CUL2: variants seen among roughly 807,000 people sequenced by gnomAD.
CUL2 encodes the protein cullin-2.
A neutral mutation model predicts 110.2 loss-of-function variants in CUL2; 22 were observed. The ratio of observed to expected loss-of-function variants is 0.20; its 90% confidence interval spans 0.14 to 0.28. CUL2 has a LOEUF of 0.28. CUL2 is among the 10% of genes least tolerant of loss of function. CUL2 has a pLI of 1.00. For synonymous variants in CUL2, 279 were observed against 293.2 expected, an observed-to-expected ratio of 0.95 and a Z score of 0.49; for missense variants, 631 against 905.5, an observed-to-expected ratio of 0.70 and a Z score of 3.89.
intron 6 of CUL2, among the ~76,000 whole-genome samples, chr10:35,046,960 G>A (rs2085959483): frequency 6.6e-6 from 1 of 152,020 alleles, no homozygotes; most frequent in African/African-American, 2.4e-5. Context: ...AAAAAGGAAA[G>A]AAACAAACAG....
chr10:35,124,539 A>T (rs1285560857), intron 1 of CUL2, among the ~76,000 whole-genome samples: 1 of 152,202 alleles, frequency 6.6e-6, no homozygotes, highest in African/African-American at 2.4e-5. Context: ...TCTCTTGAGA[A>T]ATCTGAAGGT....
chr10:35,063,784 T>C (rs1268929666), intron 2 of CUL2: 4 of 151,752 alleles, frequency 2.6e-5, no homozygotes, highest in African/African-American at 7.3e-5. Flanking sequence ...CTTTGCTTTA[T>C]TGGATCTTCT....
Position 35,031,409 on chromosome 10 carries a change from A to G in CUL2, c.1300-23T>C. ...GAACTACATTTAAAAATATTTTAAAAGATTACTTCCTTTCTAATGATTTAG... is the reference window on the plus strand; with the variant it reads ...GAACTACATTTAAAAATATTTTAAAGGATTACTTCCTTTCTAATGATTTAG... On this transcript the variant is annotated intron_variant, in intron 13 of 20. Coordinates refer to ENST00000374749, the MANE Select transcript of CUL2 (RefSeq NM_003591.4). The surrounding 1 kb of genome is among the most constrained non-coding windows in gnomAD (Gnocchi z 4.4). 3.8e-6 allele frequency: 6 copies of G among 1,594,008 alleles called. No individual in the cohort carries two copies. Among genetic ancestry groups the G allele is most frequent in the Non-Finnish European group, 5.1e-6 (6 of 1,169,462 alleles).
intron 2 of CUL2, chr10:35,063,749 C>CTTTT (rs80019110): frequency 7.5e-6 from 1 of 133,394 alleles, no homozygotes; most frequent in Non-Finnish European, 1.6e-5. Flanking sequence ...GTGGCATTTC[C>CTTTT]TTTTTTTTTT....
rs2085591008 is a variant in CUL2 at position 35,035,246 on chromosome 10, G to A, written c.928C>T (p.His310Tyr). Residue 310 changes from histidine to tyrosine, a missense_variant, in exon 10 of 21, where the codon CAT becomes TAT. By Grantham distance (83) the His-to-Tyr change is moderately conservative. This residue lies in a region of CUL2 where 338 missense variants were observed against 442.5 expected (regional missense o/e 0.76). Coordinates refer to ENST00000374749, the MANE Select transcript of CUL2 (RefSeq NM_003591.4). The part of the protein sequence containing the change: ...LLRAVSTGLP[H>Y]MIQELQNHIH... ...TGGTTTTGCAGCTCCTGAATCATATGAGGTAAACCAGTGGACACAGCACGG... is the reference window on the plus strand; with the variant it reads ...TGGTTTTGCAGCTCCTGAATCATATAAGGTAAACCAGTGGACACAGCACGG... 1.2e-6 allele frequency: 2 copies of A among 1,614,022 alleles called. No homozygotes were observed. The highest frequency in any genetic ancestry group is 1.6e-4 in the Middle Eastern group (1 of 6,084).
intron 1 of CUL2, among the ~76,000 whole-genome samples, chr10:35,103,564 C>T (rs1392958855): frequency 6.6e-6 from 1 of 151,906 alleles, no homozygotes; most frequent in African/African-American, 2.4e-5. Flanking sequence ...ACCTCGTGAT[C>T]CGCCCGTCTC....
chr10:35,056,950 C>T (rs993828357), intron 4 of CUL2, among the ~76,000 whole-genome samples: 1 of 152,198 alleles, frequency 6.6e-6, no homozygotes, highest in African/African-American at 2.4e-5. Flanking sequence ...GACTTCCAAT[C>T]TACTTGCTGA....
chr10:35,076,465 A>T (rs1234722986), intron 1 of CUL2, among the ~76,000 whole-genome samples: 1 of 152,170 alleles, frequency 6.6e-6, no homozygotes, highest in Non-Finnish European at 1.5e-5. Context: ...TCCTGCCAAA[A>T]ATTTTAGAGC....
chr10:35,097,215 C>A (rs538760576), intron 2 of CUL2, among the ~76,000 whole-genome samples: 17 of 152,176 alleles, frequency 1.1e-4, no homozygotes, highest in Non-Finnish European at 2.1e-4. Flanking sequence ...CACTGCCACC[C>A]CCTTGATTTA....
At chr10:35,066,639 GT>G (rs1685851784) in intron 2 of CUL2, among the ~76,000 whole-genome samples, 1 of 152,200 alleles carries the variant, frequency 6.6e-6, no homozygotes, top group African/African-American at 2.4e-5. Context: ...TACAGATGCA[GT>G]ATCTACGAAA....
At chr10:35,029,436 T>A (rs1172930782) in intron 15 of CUL2, 52 bp downstream of exon 15, 4 of 1,217,330 alleles carry the variant, frequency 3.3e-6, no homozygotes, top group Non-Finnish European at 3.4e-6. Context: ...ATCATTTGTA[T>A]CAACGTACTG....
At chr10:35,060,849 G>A (rs375285928) in intron 4 of CUL2, 25 bp downstream of exon 4, 17 of 1,579,806 alleles carry the variant, frequency 1.1e-5, no homozygotes, top group Non-Finnish European at 1.5e-5. Flanking sequence ...TGCTTAGCTT[G>A]TCTAGATTTT....
intron 1 of CUL2, among the ~76,000 whole-genome samples, chr10:35,111,648 G>T (rs990514138): frequency 1.3e-5 from 2 of 152,200 alleles, no homozygotes; most frequent in Non-Finnish European, 2.9e-5. Context: ...AACACTTTGG[G>T]ATGCCGAGAC....
At chr10:35,025,088 T>G (rs1345755961) in intron 17 of CUL2, 44 bp downstream of exon 17, 21 of 1,439,892 alleles carry the variant, frequency 1.5e-5, no homozygotes, top group Non-Finnish European at 1.9e-5. Context: ...AATATAATCA[T>G]CAGGTAAATT....
intron 20 of CUL2, among the ~76,000 whole-genome samples, chr10:35,010,853 T>TC (rs2084881857): frequency 6.6e-6 from 1 of 152,120 alleles, no homozygotes; most frequent in Non-Finnish European, 1.5e-5. Flanking sequence ...GTGTATTTCT[T>TC]CCCCCATTAA....
chr10:35,031,231 T>G lies in CUL2; in HGVS notation c.1386+69A>C. The G allele has an allele frequency of 2.1e-6, 2 of 961,190 alleles. No homozygotes were observed. The highest frequency in any genetic ancestry group is 3.2e-6 in the Non-Finnish European group (2 of 628,650). 59.5% of individuals were successfully genotyped at this position (961,190 alleles called of 1,614,324 possible). A position where few individuals can be genotyped will look rare whatever the true frequency, so the allele number is the denominator to read the frequency against. On this transcript the variant is annotated intron_variant, in intron 14 of 20. Transcript: ENST00000374749. The surrounding 1 kb of genome is among the most constrained non-coding windows in gnomAD (Gnocchi z 4.4). ...TGTTTCCTGTTACTGTACACAATGC[T>G]GCAATGAACATCTTTATGTGCTTGT... is the stretch of plus-strand genomic sequence containing the variant.
At chr10:35,099,362 G>A (rs1243611369) in intron 2 of CUL2, among the ~76,000 whole-genome samples, 1 of 146,104 alleles carries the variant, frequency 6.8e-6, no homozygotes, top group Non-Finnish European at 1.5e-5. Flanking sequence ...CTGCACTCCA[G>A]CCTGGCGACA....
At chr10:35,078,400 A>G (rs1327397369) in intron 1 of CUL2, among the ~76,000 whole-genome samples, 2 of 151,756 alleles carry the variant, frequency 1.3e-5, no homozygotes, top group African/African-American at 4.9e-5. Flanking sequence ...GGTGTGAGCA[A>G]TTCTCCTGCC....
chr10:35,011,971 T>C lies in CUL2; in HGVS notation c.1990-7A>G, dbSNP rs935258082. 1 of 1,545,278 alleles carries C rather than the reference T, an allele frequency of 6.5e-7. No individual in the cohort carries two copies. Among genetic ancestry groups the C allele is most frequent in the Non-Finnish European group, 8.8e-7 (1 of 1,134,536 alleles). ...TTCTAGTCTGCTCCATTTCCTGTTTTACAGAAGAAAAGAAAAAAGACCCAA... is the reference window on the plus strand; with the variant it reads ...TTCTAGTCTGCTCCATTTCCTGTTTCACAGAAGAAAAGAAAAAAGACCCAA... On this transcript the variant is annotated splice_polypyrimidine_tract_variant and splice_region_variant and intron_variant, in intron 19 of 20. Coordinates refer to ENST00000374749, the MANE Select transcript of CUL2 (RefSeq NM_003591.4).
Sources: gnomAD v4.1 joint callset for allele counts (sites outside exome capture counted in the v4.1 genomes callset) on GRCh38, gnomAD v4.1.1 for gene constraint, gnomAD v4.1.1 regional missense constraint, Gnocchi (gnomAD v3.1) non-coding constraint, MANE v1.5 for transcripts, NCBI Gene and HGNC (gene_info 2026-07-23, HGNC 2026-07-21) for gene names.